The following CACNA2D3 variants were observed in gnomAD, a reference collection of about 807,000 sequenced individuals.
The protein encoded by CACNA2D3 is voltage-dependent calcium channel subunit alpha-2/delta-3.
CACNA2D3 carries 60 observed loss-of-function variants against 160.6 expected under a neutral mutation model. That is an observed-to-expected ratio of 0.37 (90% CI 0.30 to 0.46). CACNA2D3 has a LOEUF of 0.46. Among genes scored for constraint, CACNA2D3 ranks in the 20% least tolerant of loss-of-function variants. CACNA2D3 has a pLI of 1.00. For missense variants in CACNA2D3, 1,205 were observed against 1,365.0 expected, an observed-to-expected ratio of 0.88 and a Z score of 1.85; for synonymous variants, 558 against 492.9, an observed-to-expected ratio of 1.13 and a Z score of -1.75.
At chr3:54,158,780 A>G (rs1700287652) in intron 2 of CACNA2D3, among the ~76,000 whole-genome samples, 1 of 152,180 alleles carries the variant, frequency 6.6e-6, no homozygotes, top group Admixed American at 6.5e-5. Context: ...TTCATGTCAG[A>G]CCTGCCCATC....
intron 13 of CACNA2D3, among the ~76,000 whole-genome samples, chr3:54,784,761 C>A (rs754158951): frequency 6.6e-6 from 1 of 152,142 alleles, no homozygotes. Context: ...CAGCAGACTT[C>A]GTGAGCAGGC....
chr3:54,894,477 G>C, intron 25 of CACNA2D3: 1 of 446,528 alleles, frequency 2.2e-6, no homozygotes, highest in Non-Finnish European at 4.5e-6. Context: ...ACTGCCTTAA[G>C]TGAGGACCAC....
chr3:55,009,320 A>G, intron 33 of CACNA2D3, 68 bp from the exon 34 acceptor site: 2 of 1,362,824 alleles, frequency 1.5e-6, no homozygotes, highest in Non-Finnish European at 2.1e-6. Flanking sequence ...AAGAATACAG[A>G]AAGTCACTGT....
chr3:54,873,808 A>T (rs1014769331), intron 18 of CACNA2D3, among the ~76,000 whole-genome samples: 1 of 152,200 alleles, frequency 6.6e-6, no homozygotes, highest in Non-Finnish European at 1.5e-5. Context: ...CTCTATCAAC[A>T]TATTTGACTT....
chr3:54,162,519 A>G (rs1389781757), intron 2 of CACNA2D3, among the ~76,000 whole-genome samples: 1 of 152,188 alleles, frequency 6.6e-6, no homozygotes, highest in Non-Finnish European at 1.5e-5. Context: ...CCTAGAGAAC[A>G]AGGAAGAAGA....
At chr3:54,615,871 A>G (rs1293342029) in intron 9 of CACNA2D3, among the ~76,000 whole-genome samples, 3 of 152,332 alleles carry the variant, frequency 2.0e-5, no homozygotes, top group Non-Finnish European at 4.4e-5. Context: ...GCTCTACCTC[A>G]GATCAGCCAG....
chr3:54,646,103 TTTCC>T (rs1347409828), intron 11 of CACNA2D3, among the ~76,000 whole-genome samples: 5 of 135,322 alleles, frequency 3.7e-5, no homozygotes, highest in South Asian at 4.5e-4. Flanking sequence ...GTGGGCAGGT[TTTCC>T]TTCCTTCCTT....
intron 20 of CACNA2D3, 122 bp from the exon 21 acceptor site, chr3:54,880,674 G>C (rs1699774111): frequency 2.2e-6 from 2 of 895,226 alleles, no homozygotes; most frequent in Non-Finnish European, 3.7e-6. Flanking sequence ...TAAACAGTTG[G>C]AAAAATTGTT....
intron 13 of CACNA2D3, among the ~76,000 whole-genome samples, chr3:54,807,063 T>G (rs555408223): frequency 6.6e-6 from 1 of 152,278 alleles, no homozygotes; most frequent in Admixed American, 6.5e-5. Flanking sequence ...TCAAGATAGA[T>G]TAAAGACTTA....
At chr3:54,327,046 A>G (rs1704134420) in intron 3 of CACNA2D3, among the ~76,000 whole-genome samples, 1 of 152,200 alleles carries the variant, frequency 6.6e-6, no homozygotes, top group Non-Finnish European at 1.5e-5. Context: ...AAGAGCAACA[A>G]TCTGTATTCA....
At chr3:54,917,244 A>C (rs1490060419) in intron 27 of CACNA2D3, among the ~76,000 whole-genome samples, 1 of 152,260 alleles carries the variant, frequency 6.6e-6, no homozygotes, top group Non-Finnish European at 1.5e-5. Context: ...CCCCTACTGC[A>C]TTAAAATGAT....
chr3:54,631,278 C>T (rs1238630872), intron 10 of CACNA2D3, among the ~76,000 whole-genome samples: 6 of 150,972 alleles, frequency 4.0e-5, no homozygotes, highest in African/African-American at 7.3e-5. Context: ...GATTGGTTGG[C>T]GATTAACACT....
chr3:54,417,938 C>T (rs1699781670), intron 4 of CACNA2D3, among the ~76,000 whole-genome samples: 1 of 152,046 alleles, frequency 6.6e-6, no homozygotes, highest in South Asian at 2.1e-4. Flanking sequence ...AGGCATATGC[C>T]ACCACACCCA....
At chr3:55,002,059 A>G (rs947959190) in intron 31 of CACNA2D3, among the ~76,000 whole-genome samples, 1 of 151,736 alleles carries the variant, frequency 6.6e-6, no homozygotes, top group Admixed American at 6.6e-5. Flanking sequence ...GGGAGGCTGA[A>G]GTGGGAGAAT....
At chr3:54,494,368 C>G (rs1701170208) in intron 4 of CACNA2D3, among the ~76,000 whole-genome samples, 1 of 152,076 alleles carries the variant, frequency 6.6e-6, no homozygotes, top group Non-Finnish European at 1.5e-5. Context: ...CACAATCGTC[C>G]CTGGTAAATG....
At position 54,885,266 on chromosome 3, in the gene CACNA2D3, C is replaced by T; in HGVS notation, c.1913-15C>T. On this transcript the variant is annotated splice_polypyrimidine_tract_variant and intron_variant, in intron 21 of 37. Coordinates refer to ENST00000474759, the MANE Select transcript of CACNA2D3 (RefSeq NM_018398.3). ...AGTGATACTTATTCATGAACCCCTT[C>T]TCCTTGACCCCCAGGCCTGCATGAC... The T allele has an allele frequency of 5.0e-6, 8 of 1,613,720 alleles. No homozygotes were observed. Among genetic ancestry groups the T allele is most frequent in the Non-Finnish European group, 6.8e-6 (8 of 1,179,676 alleles).
chr3:54,231,996 A>T (rs913718149), intron 2 of CACNA2D3, among the ~76,000 whole-genome samples: 2 of 152,204 alleles, frequency 1.3e-5, no homozygotes, highest in Non-Finnish European at 2.9e-5. Flanking sequence ...CCGACTCTGG[A>T]GTCCATTGTC....
intron 2 of CACNA2D3, among the ~76,000 whole-genome samples, chr3:54,255,305 G>A (rs539340374): frequency 1.6e-4 from 24 of 152,272 alleles, no homozygotes; most frequent in African/African-American, 5.5e-4. Context: ...ATCTTATAGA[G>A]CTTTGATACA....
intron 11 of CACNA2D3, among the ~76,000 whole-genome samples, chr3:54,654,637 G>T (rs186143373): frequency 4.5e-4 from 69 of 152,266 alleles, no homozygotes; most frequent in African/African-American, 1.6e-3. Context: ...CGGACCTCTG[G>T]CAAGGGCATG....
Sources: allele counts gnomAD v4.1 joint callset (sites outside exome capture counted in the v4.1 genomes callset), GRCh38; gene constraint gnomAD v4.1.1; transcripts MANE v1.5; gene names NCBI Gene and HGNC (gene_info 2026-07-23, HGNC 2026-07-21).